Variants in RPS6KA2 observed in about 807,000 individuals in gnomAD.
The protein encoded by RPS6KA2 is ribosomal protein S6 kinase alpha-2.
Under a neutral mutation model 91.8 loss-of-function variants are expected in RPS6KA2, and 42 were observed. That is an observed-to-expected ratio of 0.46 (90% CI 0.36 to 0.59). The LOEUF is 0.59. Among genes scored for constraint, RPS6KA2 ranks in the 20% least tolerant of loss-of-function variants. RPS6KA2 has a pLI of 0.00. For missense variants in RPS6KA2, 798 were observed against 978.5 expected (o/e 0.82, Z 2.46); for synonymous variants, 414 against 393.6 (o/e 1.05, Z -0.61).
At chr6:166,462,390 T>C (rs189344893) in intron 11 of RPS6KA2, among the ~76,000 whole-genome samples, 97 of 152,290 alleles carry the variant, frequency 6.4e-4, no homozygotes, top group African/African-American at 2.2e-3. Context: ...AGGCTCTATC[T>C]GTGACCACCC....
At position 166,757,604 on chromosome 6, in the gene RPS6KA2, G is replaced by A. The variant is rs371858511; in HGVS notation, c.123+100596C>T. The stretch of plus-strand genomic sequence containing the variant: ...ATGCACTCCCCAGGTCCCGGGGGCC[G>A]GGCTCCCCTTGCCGTCCAGCCATTC... On this transcript the variant is annotated intron_variant, in intron 2 of 21. Transcript: ENST00000503859. 179 of 456,168 alleles carry A rather than the reference G, an allele frequency of 3.9e-4. 2 individuals are homozygous for A. Among genetic ancestry groups the A allele is most frequent in the South Asian group, 2.5e-3 (162 of 64,564 alleles). 28.3% of individuals were successfully genotyped at this position (456,168 alleles called of 1,614,324 possible).
chr6:166,862,235 G>T, exon 1 of RPS6KA2: 4 of 1,611,108 alleles, frequency 2.5e-6, no homozygotes, highest in Non-Finnish European at 3.4e-6. Context: ...CAGAGGCTCG[G>T]ACCGGCACAG....
intron 3 of RPS6KA2, among the ~76,000 whole-genome samples, chr6:166,523,547 C>T (rs1053959681): frequency 2.0e-5 from 3 of 151,940 alleles, no homozygotes; most frequent in East Asian, 1.9e-4. Flanking sequence ...TTTCATCATT[C>T]GTAAATAAAG....
At chr6:166,645,162 C>G (rs1787568802) in intron 2 of RPS6KA2, among the ~76,000 whole-genome samples, 1 of 152,184 alleles carries the variant, frequency 6.6e-6, no homozygotes, top group Non-Finnish European at 1.5e-5. Flanking sequence ...CTTACGCATC[C>G]TTTAAAGCTA....
intron 2 of RPS6KA2, chr6:166,701,591 C>T (rs1181419429): frequency 8.9e-6 from 12 of 1,353,546 alleles, no homozygotes; most frequent in Non-Finnish European, 1.3e-5. Context: ...ACTGATAGAG[C>T]CGGGATAAAC....
chr6:166,466,801 C>T (rs567032260), intron 11 of RPS6KA2, among the ~76,000 whole-genome samples: 1 of 152,324 alleles, frequency 6.6e-6, no homozygotes, highest in South Asian at 2.1e-4. Flanking sequence ...TTTGCTCGTT[C>T]ACTCACTCCC....
chr6:166,467,452 CAAGG>C (rs537284516), intron 11 of RPS6KA2, among the ~76,000 whole-genome samples: 64 of 152,336 alleles, frequency 4.2e-4, no homozygotes, highest in African/African-American at 1.5e-3. Flanking sequence ...GAAAACAGAG[CAAGG>C]CCGGGGGCTG....
chr6:166,556,176 C>A (rs921624485), intron 1 of RPS6KA2, among the ~76,000 whole-genome samples: 1 of 152,166 alleles, frequency 6.6e-6, no homozygotes, highest in Non-Finnish European at 1.5e-5. Flanking sequence ...CCTGGATGGG[C>A]AGGAAATCAG....
At chr6:166,827,746 T>C (rs1780085137) in intron 2 of RPS6KA2, among the ~76,000 whole-genome samples, 1 of 152,228 alleles carries the variant, frequency 6.6e-6, no homozygotes, top group African/African-American at 2.4e-5. Flanking sequence ...GAATACGATG[T>C]GTATGGACAT....
At chr6:166,832,047 TAG>T in intron 2 of RPS6KA2, among the ~76,000 whole-genome samples, 1 of 142,874 alleles carries the variant, frequency 7.0e-6, no homozygotes, top group East Asian at 2.0e-4. Context: ...GATAGATAGA[TAG>T]ATAGATAGAT....
At chr6:166,545,033 G>A (rs1329927447) in intron 1 of RPS6KA2, among the ~76,000 whole-genome samples, 3 of 152,198 alleles carry the variant, frequency 2.0e-5, no homozygotes, top group Admixed American at 2.0e-4. Flanking sequence ...AGGAGGAAGG[G>A]AAGCAGGAGA....
At chr6:166,678,788 G>A (rs553738929) in intron 2 of RPS6KA2, among the ~76,000 whole-genome samples, 36 of 152,314 alleles carry the variant, frequency 2.4e-4, no homozygotes, top group African/African-American at 8.4e-4. Context: ...TCGATCCCCC[G>A]CATTTCTGCT....
chr6:166,526,841 T>C (rs962230918), intron 3 of RPS6KA2, among the ~76,000 whole-genome samples: 1 of 152,242 alleles, frequency 6.6e-6, no homozygotes, highest in African/African-American at 2.4e-5. Context: ...CACTTTGGCA[T>C]GTTTGCTTCT....
chr6:166,505,575 G>A (rs917279059), intron 5 of RPS6KA2, among the ~76,000 whole-genome samples: 2 of 152,202 alleles, frequency 1.3e-5, no homozygotes, highest in African/African-American at 2.4e-5. Flanking sequence ...AAATCAGCAC[G>A]CAGCCAGAAG....
Position 166,500,025 on chromosome 6 carries a change from G to A in RPS6KA2, c.604+862C>T, listed in dbSNP as rs185930557. Among the ~76,000 whole-genome samples the A allele has an allele frequency of 1.3e-5, 2 of 152,348 alleles. No homozygotes were observed. The highest frequency in any genetic ancestry group is 1.3e-4 in the Admixed American group (2 of 15,310). The stretch of plus-strand genomic sequence containing the variant: ...AAGGGTCTTCAGGTTAGGAAGGGAG[G>A]CAAGATGCAGTCAGAGAGCTTGGAA... On this transcript the variant is annotated intron_variant, in intron 7 of 20. Transcript: ENST00000265678. The surrounding 1 kb of genome is among the most constrained non-coding windows in gnomAD (Gnocchi z 4.3).
intron 2 of RPS6KA2, among the ~76,000 whole-genome samples, chr6:166,653,568 T>C (rs1326810385): frequency 1.3e-5 from 2 of 152,188 alleles, no homozygotes; most frequent in Non-Finnish European, 2.9e-5. Flanking sequence ...CTGGATTTCT[T>C]ACTAATAACC....
intron 1 of RPS6KA2, among the ~76,000 whole-genome samples, chr6:166,621,027 A>G (rs915298483): frequency 3.3e-5 from 5 of 152,218 alleles, no homozygotes; most frequent in Non-Finnish European, 7.3e-5. Flanking sequence ...AGGCAAGGGC[A>G]AACCACCCAG....
intron 11 of RPS6KA2, among the ~76,000 whole-genome samples, chr6:166,467,275 A>G (rs903538774): frequency 5.9e-5 from 9 of 152,316 alleles, no homozygotes; most frequent in Middle Eastern, 3.4e-3. Flanking sequence ...AGGGATTCAT[A>G]AAGTGCCTCC....
intron 10 of RPS6KA2, among the ~76,000 whole-genome samples, chr6:166,479,751 C>T (rs6926800): frequency 0.22 from 33,614 of 152,164 alleles, 5,236 homozygotes; most frequent in African/African-American, 0.44. Context: ...CCCTTCTGCC[C>T]GTCCCTCCGG....
Sources: gnomAD v4.1 joint callset for allele counts (sites outside exome capture counted in the v4.1 genomes callset) on GRCh38, gnomAD v4.1.1 for gene constraint, Gnocchi (gnomAD v3.1) non-coding constraint, MANE v1.5 for transcripts, NCBI Gene and HGNC (gene_info 2026-07-23, HGNC 2026-07-21) for gene names.